CSMD3: variants seen among roughly 807,000 people sequenced by gnomAD.
CSMD3 encodes the protein CUB and Sushi multiple domains 3.
CSMD3 carries 177 observed loss-of-function variants against 435.2 expected under a neutral mutation model. The observed-to-expected ratio is 0.41, with a 90% confidence interval of 0.36 to 0.46. The LOEUF is 0.46. CSMD3 is among the 20% of genes least tolerant of loss of function. CSMD3 has a pLI of 0.34. For synonymous variants in CSMD3, 1,656 were observed against 1,520.5 expected, an observed-to-expected ratio of 1.09 and a Z score of -2.07; for missense variants, 4,265 against 4,504.6, an observed-to-expected ratio of 0.95 and a Z score of 1.52.
At chr8:112,690,332 A>C (rs1237884044) in intron 13 of CSMD3, among the ~76,000 whole-genome samples, 1 of 151,936 alleles carries the variant, frequency 6.6e-6, no homozygotes, top group African/African-American at 2.4e-5. Flanking sequence ...TTATGATAAG[A>C]TCTCATATTT....
At chr8:112,546,620 C>T (rs751291687) in intron 27 of CSMD3, among the ~76,000 whole-genome samples, 1 of 152,112 alleles carries the variant, frequency 6.6e-6, no homozygotes, top group Admixed American at 6.5e-5. Flanking sequence ...GGGCAAATGA[C>T]AGCATGATAC....
At chr8:112,830,986 A>C (rs1407061212) in intron 11 of CSMD3, among the ~76,000 whole-genome samples, 1 of 151,936 alleles carries the variant, frequency 6.6e-6, no homozygotes, top group African/African-American at 2.4e-5. Flanking sequence ...ACGGGGTTTC[A>C]CCATGTTAGC....
At chr8:112,330,848 TTAA>T (rs1215638525) in intron 45 of CSMD3, among the ~76,000 whole-genome samples, 1 of 152,094 alleles carries the variant, frequency 6.6e-6, no homozygotes. Context: ...TGTCTGGCAC[TTAA>T]TAAGAATACA....
chr8:112,305,823 G>T (rs1360230457), intron 51 of CSMD3, among the ~76,000 whole-genome samples, 184 bp downstream of exon 51: 1 of 152,064 alleles, frequency 6.6e-6, no homozygotes, highest in Non-Finnish European at 1.5e-5. Flanking sequence ...AAAAATGATG[G>T]AAAAGACCTT....
intron 23 of CSMD3, among the ~76,000 whole-genome samples, chr8:112,576,853 T>C (rs1448709303): frequency 1.3e-5 from 2 of 149,448 alleles, no homozygotes; most frequent in Admixed American, 6.8e-5. Flanking sequence ...TATATATATA[T>C]ATATGAAAGA....
chr8:113,073,108 C>A (rs2089195467), intron 5 of CSMD3, among the ~76,000 whole-genome samples: 1 of 151,774 alleles, frequency 6.6e-6, no homozygotes, highest in South Asian at 2.1e-4. Context: ...TTTTTATGAA[C>A]CAAAGAACAT....
intron 11 of CSMD3, among the ~76,000 whole-genome samples, chr8:112,856,942 T>C (rs1409987819): frequency 2.6e-5 from 4 of 151,820 alleles, no homozygotes; most frequent in Admixed American, 2.6e-4. Flanking sequence ...TTTTTAAAAC[T>C]ATGTGCTATA....
At chr8:113,219,784 G>A (rs2092946041) in intron 3 of CSMD3, among the ~76,000 whole-genome samples, 1 of 151,310 alleles carries the variant, frequency 6.6e-6, no homozygotes, top group Non-Finnish European at 1.5e-5. Context: ...AATAAAATAT[G>A]TATACATTTG....
intron 10 of CSMD3, among the ~76,000 whole-genome samples, chr8:112,871,742 T>C (rs1325824030): frequency 6.6e-6 from 1 of 152,094 alleles, no homozygotes; most frequent in Non-Finnish European, 1.5e-5. Flanking sequence ...TTTCAATGAT[T>C]ATGTTCAAAC....
intron 3 of CSMD3, among the ~76,000 whole-genome samples, chr8:113,276,777 G>A (rs978586259): frequency 1.4e-4 from 21 of 152,106 alleles, no homozygotes; most frequent in Admixed American, 3.3e-4. Context: ...ATCAATACCT[G>A]AAGATTTTGC....
At chr8:113,374,343 C>A (rs934498817) in intron 1 of CSMD3, among the ~76,000 whole-genome samples, 1 of 151,926 alleles carries the variant, frequency 6.6e-6, no homozygotes, top group African/African-American at 2.4e-5. Context: ...ATATTCCTTG[C>A]ATGTTTTTGA....
At chr8:112,247,378 C>CT (rs1160846538) in intron 63 of CSMD3, among the ~76,000 whole-genome samples, 3 of 151,996 alleles carry the variant, frequency 2.0e-5, no homozygotes, top group African/African-American at 7.2e-5. Context: ...AGAAACCAAG[C>CT]TTTTTTGCCA....
chr8:112,223,372 G>GAGTT lies in CSMD3; in HGVS notation c.*1395_*1398dup, dbSNP rs1812317607. Reference sequence around the variant, plus strand: ...ATACAAAAAGTCAAGACTGTTCACAGAGTTATCCATATTTGAAAGGGACAA... The same window carrying GAGTT: ...ATACAAAAAGTCAAGACTGTTCACAGAGTTAGTTATCCATATTTGAAAGGGACAA... On this transcript the variant is annotated 3_prime_UTR_variant, in exon 71 of 71. Coordinates refer to ENST00000297405, the MANE Select transcript of CSMD3 (RefSeq NM_198123.2). 1 of 289,850 alleles carries GAGTT rather than the reference G, an allele frequency of 3.5e-6. No individual in the cohort carries two copies. 18.0% of individuals were successfully genotyped at this position (289,850 alleles called of 1,614,324 possible). A position where few individuals can be genotyped will look rare whatever the true frequency, so the allele number is the denominator to read the frequency against.
At chr8:112,305,422 C>T (rs1381318138) in intron 51 of CSMD3, among the ~76,000 whole-genome samples, 6 of 151,852 alleles carry the variant, frequency 4.0e-5, no homozygotes, top group African/African-American at 4.8e-5. Flanking sequence ...AAAAAATAAT[C>T]GAAATATAGA....
intron 3 of CSMD3, among the ~76,000 whole-genome samples, chr8:113,266,215 C>G (rs949581524): frequency 6.7e-6 from 1 of 148,528 alleles, no homozygotes; most frequent in African/African-American, 2.5e-5. Flanking sequence ...TAATTTAATG[C>G]TCTCAAGGAT....
intron 5 of CSMD3, among the ~76,000 whole-genome samples, chr8:113,022,128 C>T (rs2086704784): frequency 6.6e-6 from 1 of 152,102 alleles, no homozygotes; most frequent in African/African-American, 2.4e-5. Flanking sequence ...TATCTCTGTC[C>T]TTATTTCACA....
intron 3 of CSMD3, among the ~76,000 whole-genome samples, chr8:113,240,466 T>C (rs1018822316): frequency 6.6e-6 from 1 of 152,134 alleles, no homozygotes; most frequent in Admixed American, 6.6e-5. Context: ...TAATTTACAC[T>C]CCTACCGAAA....
At chr8:112,246,836 G>T (rs1814780681) in intron 64 of CSMD3, among the ~76,000 whole-genome samples, 184 bp downstream of exon 64, 1 of 152,012 alleles carries the variant, frequency 6.6e-6, no homozygotes, top group Non-Finnish European at 1.5e-5. Flanking sequence ...GACTTACTTA[G>T]AGAGTGCTTC....
chr8:113,241,959 A>G (rs1292333027), intron 3 of CSMD3, among the ~76,000 whole-genome samples: 1 of 151,334 alleles, frequency 6.6e-6, no homozygotes, highest in African/African-American at 2.4e-5. Context: ...ATATATATAT[A>G]TACACACACA....
Sources: gnomAD v4.1 joint callset for allele counts (sites outside exome capture counted in the v4.1 genomes callset) on GRCh38, gnomAD v4.1.1 for gene constraint, MANE v1.5 for transcripts, NCBI Gene and HGNC (gene_info 2026-07-23, HGNC 2026-07-21) for gene names.